ZMAT4: variants seen among roughly 807,000 people sequenced by gnomAD.
ZMAT4 encodes the protein zinc finger matrin-type 4.
Under a neutral mutation model 28.7 loss-of-function variants are expected in ZMAT4, and 17 were observed. That is an observed-to-expected ratio of 0.59 (90% confidence interval 0.41 to 0.89). The LOEUF (loss-of-function observed/expected upper bound fraction) is 0.89, where lower values mean the gene tolerates loss of function less well. Ranked by LOEUF, ZMAT4 falls within the 40% of genes least tolerant of loss-of-function variation. The pLI, the probability that ZMAT4 is intolerant of heterozygous loss-of-function variation, is 0.00. For missense variants in ZMAT4, 240 were observed against 283.8 expected (o/e 0.85, Z 1.11); for synonymous variants, 117 against 109.2 (o/e 1.07, Z -0.44).
intron 5 of ZMAT4, among the ~76,000 whole-genome samples, chr8:40,638,147 C>A (rs1202793380): frequency 6.6e-6 from 1 of 152,068 alleles, no homozygotes; most frequent in Non-Finnish European, 1.5e-5. Flanking sequence ...ATCTATTGTA[C>A]AATATAGTGA....
At chr8:40,758,080 G>A (rs560180832) in intron 3 of ZMAT4, among the ~76,000 whole-genome samples, 27 of 152,216 alleles carry the variant, frequency 1.8e-4, no homozygotes, top group African/African-American at 4.8e-4. Context: ...TTGAGGTCTC[G>A]GGACTTGGAC....
rs536819903 is a variant in ZMAT4 at position 40,656,267 on chromosome 8, G to C, written c.577+18437C>G. ...AGTGACTTACTATGTCATATTCTAG[G>C]ATAGGCAGAATAAAGAAGGTAGATA... is the stretch of plus-strand genomic sequence containing the variant. On this transcript the variant is annotated intron_variant, in intron 5 of 6. Transcript: ENST00000297737. 2.4e-3 allele frequency among the ~76,000 whole-genome samples: 367 copies of C among 152,226 alleles called. 3 individuals carry two copies. The highest frequency in any genetic ancestry group is 8.4e-3 in the African/African-American group (351 of 41,574).
intron 6 of ZMAT4, among the ~76,000 whole-genome samples, chr8:40,532,892 G>C (rs1186862555): frequency 6.6e-6 from 1 of 151,794 alleles, no homozygotes; most frequent in African/African-American, 2.4e-5. Context: ...TACTCAGGAG[G>C]CTGAAGCAGG....
At chr8:40,885,978 G>C (rs1313736249) in intron 1 of ZMAT4, among the ~76,000 whole-genome samples, 3 of 152,204 alleles carry the variant, frequency 2.0e-5, no homozygotes, top group Non-Finnish European at 2.9e-5. Flanking sequence ...GAGAGGCTGG[G>C]AACTGGGTCA....
rs191350083 is a variant in ZMAT4, at chr8:40,739,194, C to T, written c.192+28447G>A. On this transcript the variant is annotated intron_variant, in intron 3 of 6. Coordinates refer to ENST00000297737, the MANE Select transcript of ZMAT4 (RefSeq NM_024645.3). The stretch of plus-strand genomic sequence containing the variant: ...CATTTGAGAAGCTTCCAGGAGCCTC[C>T]GAAAAGCTCTTAACTCAGTCACATG... Among the ~76,000 whole-genome samples, 145 of 152,218 alleles carry T rather than the reference C, an allele frequency of 9.5e-4. 1 individual carries two copies. Among genetic ancestry groups the T allele is most frequent in the African/African-American group, 3.2e-3 (133 of 41,510 alleles).
At chr8:40,619,486 G>A (rs1020613547) in intron 5 of ZMAT4, among the ~76,000 whole-genome samples, 13 of 152,152 alleles carry the variant, frequency 8.5e-5, no homozygotes, top group African/African-American at 3.1e-4. Context: ...TCTTTAAGGC[G>A]GACACTAATG....
intron 2 of ZMAT4, among the ~76,000 whole-genome samples, chr8:40,799,170 A>G (rs201549230): frequency 3.8e-5 from 4 of 104,756 alleles, no homozygotes; most frequent in Admixed American, 1.8e-4. Context: ...TGGATGGATG[A>G]ATAGAGAGAG....
intron 6 of ZMAT4, among the ~76,000 whole-genome samples, chr8:40,575,311 C>A (rs1804226338): frequency 6.6e-6 from 1 of 152,074 alleles, no homozygotes; most frequent in South Asian, 2.1e-4. Context: ...AATTGTGGAC[C>A]CACCCCAAGA....
intron 1 of ZMAT4, among the ~76,000 whole-genome samples, chr8:40,873,769 AGGACATGTGACCTTTT>A (rs1817944139): frequency 6.6e-6 from 1 of 152,224 alleles, no homozygotes; most frequent in African/African-American, 2.4e-5. Flanking sequence ...ATCAGCGGTT[AGGACATGTGACCTTTT>A]GGAGAACGTC....
chr8:40,593,345 A>G (rs1690768712), intron 5 of ZMAT4, among the ~76,000 whole-genome samples: 1 of 152,192 alleles, frequency 6.6e-6, no homozygotes, highest in Non-Finnish European at 1.5e-5. Context: ...GTTGCTTGTT[A>G]CTATCTGGGG....
At chr8:40,767,292 T>C (rs1025462445) in intron 3 of ZMAT4, among the ~76,000 whole-genome samples, 1 of 152,170 alleles carries the variant, frequency 6.6e-6, no homozygotes, top group Non-Finnish European at 1.5e-5. Flanking sequence ...TATCTAATAT[T>C]TCTGACAGAT....
At chr8:40,698,379 G>A (rs1388237082) in intron 3 of ZMAT4, among the ~76,000 whole-genome samples, 1 of 152,172 alleles carries the variant, frequency 6.6e-6, no homozygotes, top group Non-Finnish European at 1.5e-5. Flanking sequence ...AAGGGAAGGA[G>A]TAATCCATTG....
chr8:40,850,397 C>T (rs1487975934), intron 1 of ZMAT4, among the ~76,000 whole-genome samples: 3 of 152,114 alleles, frequency 2.0e-5, no homozygotes, highest in Non-Finnish European at 2.9e-5. Flanking sequence ...CCCATCTGCA[C>T]GGCCCAGGAC....
intron 4 of ZMAT4, among the ~76,000 whole-genome samples, chr8:40,682,682 A>G (rs1809228156): frequency 6.6e-6 from 1 of 152,220 alleles, no homozygotes; most frequent in Admixed American, 6.5e-5. Context: ...GGGACTGTCC[A>G]ATTCAATTAT....
chr8:40,658,874 C>T (rs563465155), intron 5 of ZMAT4, among the ~76,000 whole-genome samples: 2 of 152,174 alleles, frequency 1.3e-5, no homozygotes, highest in South Asian at 4.2e-4. Flanking sequence ...TTTCCTTATT[C>T]CAAATGTTCA....
chr8:40,858,586 C>A (rs773153766), intron 1 of ZMAT4, among the ~76,000 whole-genome samples: 1 of 152,174 alleles, frequency 6.6e-6, no homozygotes, highest in African/African-American at 2.4e-5. Context: ...AGATTCAATG[C>A]CTTGACCCAG....
chr8:40,868,182 G>GA (rs763490904), intron 1 of ZMAT4, among the ~76,000 whole-genome samples: 5 of 152,132 alleles, frequency 3.3e-5, no homozygotes, highest in Non-Finnish European at 5.9e-5. Context: ...TATTTACATG[G>GA]AAAAAAAGCC....
At chr8:40,771,444 T>C (rs962406789) in intron 2 of ZMAT4, among the ~76,000 whole-genome samples, 1 of 152,090 alleles carries the variant, frequency 6.6e-6, no homozygotes, top group Non-Finnish European at 1.5e-5. Context: ...AATAATAATT[T>C]TGCAATGCTT....
At chr8:40,784,374 A>G (rs1225274217) in intron 2 of ZMAT4, among the ~76,000 whole-genome samples, 1 of 152,228 alleles carries the variant, frequency 6.6e-6, no homozygotes, top group African/African-American at 2.4e-5. Flanking sequence ...ACCTATTTAT[A>G]ATATTTTAAA....
Sources: allele counts gnomAD v4.1 joint callset (sites outside exome capture counted in the v4.1 genomes callset), GRCh38; gene constraint gnomAD v4.1.1; transcripts MANE v1.5; gene names NCBI Gene and HGNC (gene_info 2026-07-23, HGNC 2026-07-21).